FGF1: variants seen among roughly 807,000 people sequenced by gnomAD.
FGF1 encodes fibroblast growth factor 1, also known as beta-endothelial cell growth factor.
In FGF1, 9 loss-of-function variants were observed where a neutral mutation model predicts 13.4. That is an observed-to-expected ratio of 0.67 (90% CI 0.40 to 1.17). The LOEUF (loss-of-function observed/expected upper bound fraction) is 1.17, where lower values mean the gene tolerates loss of function less well. Among genes scored for constraint, FGF1 ranks in the 50% most tolerant of loss-of-function variants. The pLI is 0.01. For synonymous variants in FGF1, 93 were observed against 79.0 expected, an observed-to-expected ratio of 1.18 and a Z score of -0.94; for missense variants, 156 against 192.7, an observed-to-expected ratio of 0.81 and a Z score of 1.13.
intron 1 of FGF1, among the ~76,000 whole-genome samples, chr5:142,653,703 T>G (rs1767668994): frequency 6.6e-6 from 1 of 152,214 alleles, no homozygotes; most frequent in African/African-American, 2.4e-5. Context: ...CCTGCCTGTC[T>G]TCTACGACAC....
chr5:142,608,585 CA>C (rs1758325433), intron 2 of FGF1, among the ~76,000 whole-genome samples: 1 of 41,144 alleles, frequency 2.4e-5, no homozygotes, highest in Non-Finnish European at 4.8e-5. Flanking sequence ...TATATATATA[CA>C]CACACACACA....
intron 2 of FGF1, among the ~76,000 whole-genome samples, chr5:142,606,995 CCT>C (rs1297886045): frequency 6.6e-6 from 1 of 152,086 alleles, no homozygotes; most frequent in Non-Finnish European, 1.5e-5. Flanking sequence ...TATGATCTCC[CCT>C]GATTCTCCTT....
upstream of FGF1, among the ~76,000 whole-genome samples, chr5:142,690,942 G>T (rs768523379): frequency 1.3e-5 from 2 of 152,100 alleles, no homozygotes; most frequent in African/African-American, 2.4e-5. Context: ...CCAGAATTAT[G>T]CATTTATTTT....
At position 142,595,282 on chromosome 5, in the gene FGF1, A is replaced by G. The variant is rs1352650240; in HGVS notation, c.*8T>C. ...CTCTGGAGTGGTCAACACCCAGAACAGATCTCTTTAATCAGAAGAGACTGG... is the reference window on the plus strand; with the variant it reads ...CTCTGGAGTGGTCAACACCCAGAACGGATCTCTTTAATCAGAAGAGACTGG... On this transcript the variant is annotated 3_prime_UTR_variant, in exon 4 of 4. Coordinates refer to ENST00000337706, the MANE Select transcript of FGF1 (RefSeq NM_000800.5). 1.2e-6 allele frequency: 2 copies of G among 1,612,364 alleles called. No individual in the cohort carries two copies. Among genetic ancestry groups the G allele is most frequent in the African/African-American group, 1.3e-5 (1 of 75,040 alleles).
At chr5:142,601,494 G>C (rs1756554620) in intron 2 of FGF1, among the ~76,000 whole-genome samples, 1 of 152,254 alleles carries the variant, frequency 6.6e-6, no homozygotes, top group East Asian at 1.9e-4. Flanking sequence ...GCTTCTGATG[G>C]GGGGAGAATG....
At chr5:142,655,801 A>G (rs796401052) in intron 1 of FGF1, among the ~76,000 whole-genome samples, 6 of 152,140 alleles carry the variant, frequency 3.9e-5, no homozygotes, top group Admixed American at 1.3e-4. Context: ...CTTTCCAAAC[A>G]CTGAAAACCC....
intron 1 of FGF1, among the ~76,000 whole-genome samples, chr5:142,667,604 A>G (rs945161985): frequency 1.3e-5 from 2 of 150,906 alleles, no homozygotes; most frequent in African/African-American, 2.5e-5. Context: ...AAAAAAAAAA[A>G]GAAAGAAATA....
intron 1 of FGF1, among the ~76,000 whole-genome samples, chr5:142,684,301 C>T (rs1391435033): frequency 6.6e-6 from 1 of 152,222 alleles, no homozygotes; most frequent in South Asian, 2.1e-4. Flanking sequence ...TGCTACTCAC[C>T]TGTAAAGTCA....
At chr5:142,696,400 C>T (rs1409200615) in intron 2 of FGF1, among the ~76,000 whole-genome samples, 1 of 152,214 alleles carries the variant, frequency 6.6e-6, no homozygotes, top group Non-Finnish European at 1.5e-5. Flanking sequence ...TCATTGCTTT[C>T]AGTCCATGCA....
Position 142,636,217 on chromosome 5 carries a change from C to T in FGF1, c.-34-22056G>A, listed in dbSNP as rs1183123449. ...TTATCTGATTTGCTCCACAGTTCTG[C>T]TTTGCTGACCATGATGGTGCCTGGT... On this transcript the variant is annotated intron_variant, in intron 1 of 3. Transcript: ENST00000337706. Among the ~76,000 whole-genome samples, 3 of 152,228 alleles carry T rather than the reference C, an allele frequency of 2.0e-5. No individual in the cohort carries two copies. The East Asian group carries it at 5.8e-4, about 29-fold the overall frequency.
intron 1 of FGF1, among the ~76,000 whole-genome samples, chr5:142,651,825 G>C (rs1411976086): frequency 6.9e-6 from 1 of 145,322 alleles, no homozygotes; most frequent in African/African-American, 2.7e-5. Flanking sequence ...TGTCTTGGTA[G>C]CTCATTTTTT....
At chr5:142,678,589 T>C in intron 1 of FGF1, among the ~76,000 whole-genome samples, 1 of 152,044 alleles carries the variant, frequency 6.6e-6, no homozygotes, top group East Asian at 1.9e-4. Context: ...CTCCACCCAT[T>C]CTCTCCCCCA....
At chr5:142,646,665 A>G (rs1462997320) in intron 1 of FGF1, among the ~76,000 whole-genome samples, 1 of 148,522 alleles carries the variant, frequency 6.7e-6, no homozygotes, top group Non-Finnish European at 1.5e-5. Flanking sequence ...CTAATTTTTT[A>G]TAGTTTTTAG....
intron 1 of FGF1, among the ~76,000 whole-genome samples, chr5:142,667,057 G>A (rs930679876): frequency 2.0e-5 from 3 of 151,970 alleles, no homozygotes; most frequent in East Asian, 3.8e-4. Context: ...CAAGGCAGGC[G>A]CATCACAAGT....
At chr5:142,605,411 G>A (rs945136923) in intron 2 of FGF1, among the ~76,000 whole-genome samples, 8 of 151,754 alleles carry the variant, frequency 5.3e-5, no homozygotes, top group African/African-American at 1.7e-4. Context: ...ATGAGCCACC[G>A]TGCCCAGCCA....
chr5:142,614,299 G>T, intron 1 of FGF1, 138 bp from the exon 2 acceptor site: 1 of 658,028 alleles, frequency 1.5e-6, no homozygotes, highest in Non-Finnish European at 2.6e-6. Flanking sequence ...GATGCCCGCA[G>T]TCCGCGGGCC....
At chr5:142,606,216 C>CTG (rs1475595559) in intron 2 of FGF1, among the ~76,000 whole-genome samples, 55 of 73,600 alleles carry the variant, frequency 7.5e-4, no homozygotes, top group African/African-American at 1.8e-3. Flanking sequence ...TTCTTTCTCT[C>CTG]TCTGTGTGTG....
intron 1 of FGF1, among the ~76,000 whole-genome samples, chr5:142,635,072 A>G (rs1045534468): frequency 3.9e-5 from 6 of 152,144 alleles, no homozygotes; most frequent in Non-Finnish European, 7.4e-5. Flanking sequence ...CAGGGGCTGA[A>G]TGTCTTAAGG....
intron 1 of FGF1, among the ~76,000 whole-genome samples, chr5:142,656,175 G>A (rs754031953): frequency 2.0e-4 from 30 of 152,080 alleles, no homozygotes; most frequent in Non-Finnish European, 4.4e-4. Flanking sequence ...ATCTAAATGT[G>A]CCCTCAGGAA....
Sources: gnomAD v4.1 joint callset for allele counts (sites outside exome capture counted in the v4.1 genomes callset) on GRCh38, gnomAD v4.1.1 for gene constraint, MANE v1.5 for transcripts, NCBI Gene and HGNC (gene_info 2026-07-23, HGNC 2026-07-21) for gene names.